Variants in SRPK1 observed in about 807,000 individuals in gnomAD.
SRPK1 encodes SFRS protein kinase 1.
SRPK1 carries 52 observed loss-of-function variants against 89.5 expected under a neutral mutation model. The observed-to-expected ratio is 0.58, with a 90% CI of 0.46 to 0.73. SRPK1 has a LOEUF of 0.73. Among genes scored for constraint, SRPK1 ranks in the 30% least tolerant of loss-of-function variants. The pLI is 0.00. For synonymous variants in SRPK1, 255 were observed against 270.2 expected, an observed-to-expected ratio of 0.94 and a Z score of 0.55; for missense variants, 603 against 780.6, an observed-to-expected ratio of 0.77 and a Z score of 2.71.
chr6:35,921,049 C>T lies in SRPK1; in HGVS notation c.8G>A (p.Arg3Gln), dbSNP rs1363815692. 1 of 1,545,546 alleles carries T rather than the reference C, an allele frequency of 6.5e-7. No individual in the cohort carries two copies. Among genetic ancestry groups the T allele is most frequent in the Non-Finnish European group, 8.7e-7 (1 of 1,148,354 alleles). ME[R>Q]KVLALQARKK... ...GAGGCCGCTCCACCGCTCACCTTTCCGCTCCATGGTGAGACCGGTAATCGC... is the reference window on the plus strand; with the variant it reads ...GAGGCCGCTCCACCGCTCACCTTTCTGCTCCATGGTGAGACCGGTAATCGC... The change falls in exon 1 of 16, where the codon CGG becomes CAG. Residue 3 changes from arginine (R) to glutamine (Q), a missense_variant. Physicochemically the swap from Arg to Gln is conservative, Grantham distance 43 (BLOSUM62 1). Transcript: ENST00000373825.
intron 2 of SRPK1, among the ~76,000 whole-genome samples, chr6:35,916,873 A>G (rs1771115357): frequency 6.6e-6 from 1 of 152,220 alleles, no homozygotes; most frequent in South Asian, 2.1e-4. Context: ...CCTGGCCAAC[A>G]TGGTGAAACC....
intron 8 of SRPK1, among the ~76,000 whole-genome samples, chr6:35,872,111 G>A (rs947774093): frequency 1.3e-5 from 2 of 152,060 alleles, no homozygotes; most frequent in African/African-American, 4.8e-5. Flanking sequence ...CCAATAATTC[G>A]CAGTTGAGGG....
At chr6:35,840,336 G>A (rs144782155) in intron 14 of SRPK1, among the ~76,000 whole-genome samples, 3 of 152,170 alleles carry the variant, frequency 2.0e-5, no homozygotes, top group African/African-American at 7.2e-5. Flanking sequence ...TACAACCTTT[G>A]AGCAGTTTTG....
intron 2 of SRPK1, among the ~76,000 whole-genome samples, chr6:35,914,544 A>T (rs1360847457): frequency 1.3e-5 from 2 of 152,046 alleles, no homozygotes; most frequent in African/African-American, 2.4e-5. Flanking sequence ...CCCTATTTAA[A>T]ACTGTAACCT....
rs201090068 is a variant in SRPK1 at position 35,874,337 on chromosome 6, T to C, written c.481A>G (p.Ile161Val). ...FKISGVNGTH[I>V]CMVFEVLGHH... ...CCCAAAACTTCAAATACCATGCAGA[T>C]ATCTAGGAATTCATTAAGGAGGGAA... is the stretch of plus-strand genomic sequence containing the variant. Residue 161 changes from isoleucine (I) to valine (V), a missense_variant and splice_region_variant, in exon 7 of 16, where the codon ATC becomes GTC. Physicochemically the swap from Ile to Val is conservative, Grantham distance 29. Coordinates refer to ENST00000373825, the MANE Select transcript of SRPK1 (RefSeq NM_003137.5). The C allele has an allele frequency of 3.6e-5, 58 of 1,609,428 alleles. No homozygotes were observed. The highest frequency in any genetic ancestry group is 2.6e-5 in the Non-Finnish European group (31 of 1,177,110).
chr6:35,875,227 G>C (rs1333125734), intron 6 of SRPK1, among the ~76,000 whole-genome samples: 1 of 151,716 alleles, frequency 6.6e-6, no homozygotes, highest in East Asian at 1.9e-4. Context: ...ATCTTGAAAA[G>C]GATGTCACCA....
At position 35,870,625 on chromosome 6, in the gene SRPK1, T is replaced by A. The variant is rs2127245873; in HGVS notation, c.778-131A>T. The A allele has an allele frequency of 8.3e-6, 7 of 845,182 alleles. No individual in the cohort carries two copies. In the South Asian group the frequency reaches 1.3e-4, roughly 16 times the overall value. The allele number at this position is 845,182 out of a possible 1,614,324, so 52.4% of individuals were successfully genotyped here. ...CTTTCCCTAACATAGCACTTAAGTC[T>A]TTCATTAAATTAAAAGATGCGGGAT... On this transcript the variant is annotated intron_variant, in intron 9 of 15. Transcript: ENST00000373825.
At chr6:35,872,536 T>G in intron 8 of SRPK1, 27 bp downstream of exon 8, 1 of 1,552,622 alleles carries the variant, frequency 6.4e-7, no homozygotes, top group Non-Finnish European at 8.7e-7. Flanking sequence ...CTTCTAATGA[T>G]AGCGAAGTCC....
chr6:35,888,517 G>T (rs1234505554), intron 4 of SRPK1, among the ~76,000 whole-genome samples: 1 of 152,120 alleles, frequency 6.6e-6, no homozygotes, highest in Admixed American at 6.6e-5. Context: ...TAGGCAGCCA[G>T]AAGAAATACT....
chr6:35,915,935 G>C (rs1369631285), intron 2 of SRPK1, among the ~76,000 whole-genome samples: 1 of 133,030 alleles, frequency 7.5e-6, no homozygotes, highest in Non-Finnish European at 1.5e-5. Context: ...TTGCACCACT[G>C]AACTCCAGCC....
rs143089457 is a variant in SRPK1 at position 35,919,980 on chromosome 6, C to A, written c.74+488G>T. 3,358 of 429,102 alleles carry A rather than the reference C, an allele frequency of 7.8e-3. 31 individuals are homozygous for A. Among genetic ancestry groups the A allele is most frequent in the South Asian group, 0.027 (1,608 of 59,772 alleles). The allele number at this position is 429,102 out of a possible 1,614,324, so 26.6% of individuals were successfully genotyped here. ...GACTAACCCAGGGAAAAGCCCCATG[C>A]CCTCCTCTATGAAAGGGAGTGTGTG... On this transcript the variant is annotated intron_variant, in intron 2 of 15. Transcript: ENST00000373825.
intron 2 of SRPK1, among the ~76,000 whole-genome samples, chr6:35,918,449 C>T (rs1002795952): frequency 1.4e-4 from 21 of 151,938 alleles, no homozygotes; most frequent in African/African-American, 4.4e-4. Context: ...TGCAGTGAGC[C>T]GAGATCGCAC....
chr6:35,906,232 A>T (rs1380202681), intron 2 of SRPK1, among the ~76,000 whole-genome samples: 2 of 150,196 alleles, frequency 1.3e-5, no homozygotes, highest in Admixed American at 6.7e-5. Flanking sequence ...GAATTTTATT[A>T]TTTTTTTTTT....
chr6:35,888,347 T>C (rs1770451605), intron 4 of SRPK1, among the ~76,000 whole-genome samples: 1 of 152,190 alleles, frequency 6.6e-6, no homozygotes, highest in Non-Finnish European at 1.5e-5. Context: ...GAACATTTTC[T>C]CTGAGTTAAA....
intron 13 of SRPK1, among the ~76,000 whole-genome samples, chr6:35,854,267 A>G (rs979989272): frequency 6.6e-6 from 1 of 151,930 alleles, no homozygotes; most frequent in African/African-American, 2.4e-5. Flanking sequence ...TTCCCTTTTT[A>G]TAACTGCCCT....
chr6:35,896,017 T>A (rs989977579), intron 2 of SRPK1, among the ~76,000 whole-genome samples: 1 of 152,218 alleles, frequency 6.6e-6, no homozygotes, highest in Non-Finnish European at 1.5e-5. Context: ...CTTTGTAATA[T>A]CCTTTATTTA....
intron 2 of SRPK1, 23 bp downstream of exon 2, chr6:35,920,445 G>C: frequency 6.2e-7 from 1 of 1,611,840 alleles, no homozygotes; most frequent in Non-Finnish European, 8.5e-7. Context: ...CCAAAGAATG[G>C]GATGTTGGGG....
At chr6:35,857,396 A>G (rs1581998607) in intron 12 of SRPK1, 28 bp from the exon 13 acceptor site, 1 of 1,521,106 alleles carries the variant, frequency 6.6e-7, no homozygotes. Context: ...ACAATATTTT[A>G]AACTTCATTC....
At chr6:35,841,934 GAC>G (rs1769318068) in intron 14 of SRPK1, among the ~76,000 whole-genome samples, 1 of 149,988 alleles carries the variant, frequency 6.7e-6, no homozygotes, top group African/African-American at 2.5e-5. Context: ...AGAAAAATCA[GAC>G]ACACACAGTT....
Sources: gnomAD v4.1 joint callset for allele counts (sites outside exome capture counted in the v4.1 genomes callset) on GRCh38, gnomAD v4.1.1 for gene constraint, MANE v1.5 for transcripts, NCBI Gene and HGNC (gene_info 2026-07-23, HGNC 2026-07-21) for gene names.